Variants in SUMF2 observed in about 807,000 individuals in gnomAD.
The protein encoded by SUMF2 is inactive C-alpha-formylglycine-generating enzyme 2.
Under a neutral mutation model 44.8 loss-of-function variants are expected in SUMF2, and 45 were observed. That is an observed-to-expected ratio of 1.00 (90% confidence interval 0.79 to 1.29). The LOEUF is 1.29. Ranked by LOEUF, SUMF2 falls within the 50% of genes most tolerant of loss-of-function variation. The probability of loss-of-function intolerance (pLI) is 0.00; values close to 1 mark genes in which losing one functional copy is unlikely to be tolerated. For synonymous variants in SUMF2, 148 were observed against 150.4 expected (o/e 0.98, Z 0.12); for missense variants, 418 against 389.9 (o/e 1.07, Z -0.61).
At chr7:56,075,813 C>A (rs1584595589) in intron 5 of SUMF2, among the ~76,000 whole-genome samples, 2 of 152,150 alleles carry the variant, frequency 1.3e-5, no homozygotes, top group South Asian at 4.1e-4. Flanking sequence ...TTAAACCCCT[C>A]TACACAATCT....
At chr7:56,084,253 G>A (rs889369003), downstream of SUMF2, 6 of 1,482,744 alleles carry the variant, frequency 4.0e-6, no homozygotes, top group African/African-American at 1.4e-5. Context: ...ATCTGTGGAA[G>A]TGACAGTGTG....
chr7:56,065,630 G>A (rs916320451), intron 1 of SUMF2, among the ~76,000 whole-genome samples: 1 of 152,040 alleles, frequency 6.6e-6, no homozygotes, highest in Admixed American at 6.6e-5. Context: ...CGGGGGGCAA[G>A]GTCTCGACGT....
At position 56,074,212 on chromosome 7, in the gene SUMF2, G is replaced by A. The variant is rs1315438300; in HGVS notation, c.378G>A (p.Trp126Ter). Reference protein sequence around the residue: ...LWWLPVEKAFWRQPAGPGSGI... With the variant: ...LWWLPVEKAF Reference sequence around the variant, plus strand: ...GGCTTCCAGTGGAAAAGGCATTTTGGAGGCAGGTAAGGGCTGATTCCGCTA... The same window carrying A: ...GGCTTCCAGTGGAAAAGGCATTTTGAAGGCAGGTAAGGGCTGATTCCGCTA... Residue 126 changes from tryptophan (W) to a stop codon, truncating the protein, a stop_gained, in exon 4 of 9, where the codon TGG becomes TGA. Transcript: ENST00000434526. LOFTEE classifies it high-confidence loss of function. 6.2e-7 allele frequency: 1 copy of A among 1,613,858 alleles called. No individual in the cohort carries two copies.
intron 1 of SUMF2, among the ~76,000 whole-genome samples, chr7:56,064,994 C>T (rs1794667069): frequency 6.7e-6 from 1 of 149,906 alleles, no homozygotes; most frequent in Non-Finnish European, 1.5e-5. Flanking sequence ...AAATCGAGAC[C>T]ATCCTGGCTA....
chr7:56,087,162 C>T, the SUMF2 span: 30 of 682,948 alleles, frequency 4.4e-5, no homozygotes, highest in East Asian at 2.3e-4. Context: ...TGCTCAAAGA[C>T]GTCAACCTGG....
chr7:56,083,238 AC>A, downstream of SUMF2: 1 of 1,596,484 alleles, frequency 6.3e-7, no homozygotes, highest in Non-Finnish European at 8.6e-7. Flanking sequence ...TTGATTGAGC[AC>A]CCGAGGCCTG....
At chr7:56,076,271 C>T (rs1795542804) in intron 5 of SUMF2, among the ~76,000 whole-genome samples, 2 of 152,278 alleles carry the variant, frequency 1.3e-5, no homozygotes, top group South Asian at 4.1e-4. Flanking sequence ...CCTGATCCGT[C>T]TGCCTTGGCC....
chr7:56,081,534 C>T, downstream of SUMF2: 2 of 1,447,352 alleles, frequency 1.4e-6, no homozygotes, highest in East Asian at 4.6e-5. The surrounding 1 kb of genome is among the most constrained non-coding windows in gnomAD (Gnocchi z 4.6). Flanking sequence ...GATGGGTACT[C>T]TGGAAATTCA....
intron 8 of SUMF2, chr7:56,078,807 G>A (rs117404021): frequency 0.051 from 21,791 of 431,492 alleles, 698 homozygotes; most frequent in Middle Eastern, 0.073. Flanking sequence ...ACCACTAGGT[G>A]GGCAAAGGGA....
Position 56,064,296 on chromosome 7 carries a change from CA to C in SUMF2, c.-15del. ...AGCGGGGCCGTGGGTGTACGCGGCG[CA>C]GCGCGGCAGTCCTGATGGCCCGGCA... On this transcript the variant is annotated 5_prime_UTR_variant, in exon 1 of 9. Transcript: ENST00000434526. 1 of 1,580,396 alleles carries C rather than the reference CA, an allele frequency of 6.3e-7. No individual in the cohort carries two copies. The highest frequency in any genetic ancestry group is 8.6e-7 in the Non-Finnish European group (1 of 1,163,458).
downstream of SUMF2, chr7:56,081,252 G>T: frequency 1.2e-6 from 2 of 1,613,068 alleles, no homozygotes; most frequent in South Asian, 1.1e-5. This position sits in a 1 kb window ranked among gnomAD's most constrained non-coding sequence, Gnocchi z 4.6. Context: ...TCACCCGGCG[G>T]TACTGGTAGT....
At chr7:56,079,126 G>C (rs569892193) in intron 8 of SUMF2, 1 of 476,404 alleles carries the variant, frequency 2.1e-6, no homozygotes, top group African/African-American at 2.0e-5. Context: ...AGCCCGCCTT[G>C]GCCTCCCAGA....
chr7:56,068,538 A>T lies in SUMF2; in HGVS notation c.124A>T (p.Thr42Ser). The part of the protein sequence containing the change: ...QLQGGRFLMG[T>S]NSPDSRDGDG... The stretch of plus-strand genomic sequence containing the variant: ...GCAGGGTGGGAGATTCCTGATGGGA[A>T]CAAATTCTCCAGACAGCAGAGATGG... The change falls in exon 2 of 9, where the codon ACA becomes TCA. Residue 42 changes from threonine (T) to serine (S), a missense_variant. Coordinates refer to ENST00000434526, the MANE Select transcript of SUMF2 (RefSeq NM_015411.4). The T allele has an allele frequency of 4.3e-6, 7 of 1,613,998 alleles. No individual in the cohort carries two copies. The highest frequency in any genetic ancestry group is 5.9e-6 in the Non-Finnish European group (7 of 1,179,968).
At chr7:56,084,389 T>TTTC, downstream of SUMF2, 50 of 562,930 alleles carry the variant, frequency 8.9e-5, no homozygotes, top group Non-Finnish European at 1.3e-4. Flanking sequence ...TTTTTTTTTT[T>TTTC]TTGAGATGGA....
chr7:56,087,558 A>T, the SUMF2 span: 2 of 1,588,434 alleles, frequency 1.3e-6, no homozygotes, highest in Non-Finnish European at 8.6e-7. Flanking sequence ...GCAGAATCAC[A>T]GGGGGGCACC....
At chr7:56,085,167 C>T (rs951023294), downstream of SUMF2, among the ~76,000 whole-genome samples, 1 of 152,134 alleles carries the variant, frequency 6.6e-6, no homozygotes, top group Non-Finnish European at 1.5e-5. Context: ...TGCCATGTTG[C>T]CCAGGCTGGT....
intron 6 of SUMF2, 58 bp from the exon 7 acceptor site, chr7:56,078,044 C>T (rs1341175257): frequency 2.0e-6 from 3 of 1,465,114 alleles, no homozygotes; most frequent in Non-Finnish European, 2.8e-6. Flanking sequence ...TCTGGATAGG[C>T]ATGAGGACCT....
At chr7:56,082,413 C>CA (rs1796049255), downstream of SUMF2, among the ~76,000 whole-genome samples, 2 of 151,626 alleles carry the variant, frequency 1.3e-5, no homozygotes, top group African/African-American at 4.8e-5. Flanking sequence ...GCCAACATGG[C>CA]GAAACTCCAT....
the SUMF2 span, chr7:56,087,486 G>T: frequency 3.0e-6 from 3 of 1,008,040 alleles, no homozygotes; most frequent in Non-Finnish European, 4.4e-6. Flanking sequence ...TGGGAGCCTT[G>T]AGCCTGGGTG....
Sources: allele counts gnomAD v4.1 joint callset (sites outside exome capture counted in the v4.1 genomes callset), GRCh38; gene constraint gnomAD v4.1.1; non-coding constraint Gnocchi (gnomAD v3.1); transcripts MANE v1.5; gene names NCBI Gene and HGNC (gene_info 2026-07-23, HGNC 2026-07-21).